The following C2 variants were observed in gnomAD, a reference collection of about 807,000 sequenced individuals.
C2 encodes complement C2.
Under a neutral mutation model 85.2 loss-of-function variants are expected in C2, and 64 were observed. That is an observed-to-expected ratio of 0.75 (90% CI 0.61 to 0.92). C2 has a LOEUF of 0.92. C2 is among the 40% of genes least tolerant of loss of function. The pLI is 0.00. For synonymous variants in C2, 311 were observed against 370.8 expected (o/e 0.84, Z 1.85); for missense variants, 820 against 971.6 (o/e 0.84, Z 2.07).
At chr6:31,918,403 A>G (rs865931202), upstream of C2, among the ~76,000 whole-genome samples, 23 of 152,142 alleles carry the variant, frequency 1.5e-4, 1 homozygote, top group Admixed American at 6.6e-4. Context: ...TCCGGGCAAC[A>G]TACTGAGACC....
intron 1 of C2, among the ~76,000 whole-genome samples, chr6:31,905,513 T>C (rs892714510): frequency 6.6e-6 from 1 of 151,758 alleles, no homozygotes; most frequent in African/African-American, 2.4e-5. Context: ...ATGCCTGTAA[T>C]CCCAGCACTT....
Position 31,935,549 on chromosome 6 carries a change from A to C in C2, c.850-374A>C, listed in dbSNP as rs1212018620. 1 of 313,586 alleles carries C rather than the reference A, an allele frequency of 3.2e-6. No homozygotes were observed. Among genetic ancestry groups the C allele is most frequent in the Non-Finnish European group, 6.3e-6 (1 of 159,366 alleles). The allele number at this position is 313,586 out of a possible 1,614,324, so 19.4% of individuals were successfully genotyped here. On this transcript the variant is annotated intron_variant, in intron 6 of 17. Coordinates refer to ENST00000299367, the MANE Select transcript of C2 (RefSeq NM_000063.6). The surrounding 1 kb of genome is among the most constrained non-coding windows in gnomAD (Gnocchi z 4.3). ...CAGTGGTGCGATCTCAGCTCACTGC[A>C]AACTTTGCCTCCTGGGTTCAAGTGA...
At chr6:31,900,211 G>T, upstream of C2, 1 of 1,614,158 alleles carries the variant, frequency 6.2e-7, no homozygotes, top group Non-Finnish European at 8.5e-7. This position sits in a 1 kb window ranked among gnomAD's most constrained non-coding sequence, Gnocchi z 9.7. Context: ...TGAACTGCTT[G>T]CCACAGCGAG....
At chr6:31,931,306 C>T (rs1379860875) in intron 3 of C2, among the ~76,000 whole-genome samples, 2 of 143,026 alleles carry the variant, frequency 1.4e-5, no homozygotes. Context: ...GGGTGTTTCT[C>T]ACAGAGGGGG....
chr6:31,934,824 A>G (rs2151755937), intron 6 of C2: 1 of 323,762 alleles, frequency 3.1e-6, no homozygotes, highest in African/African-American at 2.2e-5. Flanking sequence ...AGCCTGACCA[A>G]CATGATGAAA....
rs1562600429 is a variant in C2, at chr6:31,935,462, T to TTATTA, written c.850-460_850-459insATTAT. 3.9e-5 allele frequency: 6 copies of TTATTA among 153,958 alleles called. No individual in the cohort carries two copies. Among genetic ancestry groups the TTATTA allele is most frequent in the Non-Finnish European group, 7.2e-5 (5 of 69,654 alleles). 9.5% of individuals were successfully genotyped at this position (153,958 alleles called of 1,614,324 possible). ...TCCTTAGCTGCTGCTGTTCCTTATTTTTATTATTATTATTATTATTATTAT... is the reference window on the plus strand; with the variant it reads ...TCCTTAGCTGCTGCTGTTCCTTATTTTATTATTATTATTATTATTATTATTATTAT... On this transcript the variant is annotated intron_variant, in intron 6 of 17. Transcript: ENST00000299367. The surrounding 1 kb of genome is among the most constrained non-coding windows in gnomAD (Gnocchi z 4.3).
At chr6:31,926,015 A>G (rs1034147086), upstream of C2, among the ~76,000 whole-genome samples, 10 of 152,148 alleles carry the variant, frequency 6.6e-5, no homozygotes, top group African/African-American at 9.7e-5. Flanking sequence ...CCAGCCCATG[A>G]AAAGAAAAGG....
rs1771266671 is a variant in C2, at chr6:31,945,091, G to A, written c.2079+62G>A. ...AGGATCTCAGCCTTGTTGGGGGGATGAGGGAGGCCTTTGAGGGATCTAGGG... is the reference window on the plus strand; with the variant it reads ...AGGATCTCAGCCTTGTTGGGGGGATAAGGGAGGCCTTTGAGGGATCTAGGG... On this transcript the variant is annotated intron_variant, in intron 17 of 17. Transcript: ENST00000299367. This position sits in a 1 kb window ranked among gnomAD's most constrained non-coding sequence, Gnocchi z 5.3. 2 of 1,610,350 alleles carry A rather than the reference G, an allele frequency of 1.2e-6. No homozygotes were observed. The highest frequency in any genetic ancestry group is 1.7e-6 in the Non-Finnish European group (2 of 1,177,564).
At chr6:31,929,356 T>C (rs1769533683) in intron 3 of C2, among the ~76,000 whole-genome samples, 1 of 152,180 alleles carries the variant, frequency 6.6e-6, no homozygotes, top group African/African-American at 2.4e-5. Flanking sequence ...AGTTTTCCCA[T>C]CTGTAAGACA....
At chr6:31,912,846 G>GAAA (rs1178093181) in intron 1 of C2, among the ~76,000 whole-genome samples, 1 of 31,660 alleles carries the variant, frequency 3.2e-5, no homozygotes, top group Non-Finnish European at 5.2e-5. Context: ...TCTCAAAAAA[G>GAAA]AAAAAAAAAA....
intron 2 of C2, 101 bp from the exon 3 acceptor site, chr6:31,928,631 G>T: frequency 8.5e-7 from 1 of 1,181,894 alleles, no homozygotes; most frequent in South Asian, 1.3e-5. Flanking sequence ...ACAGCCAGTT[G>T]ACCATTCCCA....
At chr6:31,928,671 T>C in intron 2 of C2, 61 bp from the exon 3 acceptor site, 1 of 1,538,916 alleles carries the variant, frequency 6.5e-7, no homozygotes, top group Non-Finnish European at 9.0e-7. Flanking sequence ...ACCTGCTTAA[T>C]CCCCAGCCCA....
intron 8 of C2, among the ~76,000 whole-genome samples, chr6:31,938,737 G>A (rs192242418): frequency 2.0e-5 from 3 of 152,034 alleles, no homozygotes; most frequent in Admixed American, 6.6e-5. Flanking sequence ...TCGGCTCACC[G>A]CAACCTCCGC....
intron 1 of C2, among the ~76,000 whole-genome samples, chr6:31,909,890 T>G (rs1562553596): frequency 1.3e-5 from 2 of 150,796 alleles, no homozygotes; most frequent in African/African-American, 4.9e-5. Context: ...TTGTTTTTTG[T>G]TTTTTTTTGA....
chr6:31,925,906 G>A (rs1225803213), upstream of C2, among the ~76,000 whole-genome samples: 1 of 152,114 alleles, frequency 6.6e-6, no homozygotes, highest in Non-Finnish European at 1.5e-5. Flanking sequence ...CATCAACACT[G>A]TGTCAGACAC....
Position 31,943,779 on chromosome 6 carries a change from C to T in C2, c.1703C>T (p.Ala568Val). The change falls in exon 13 of 18, where the codon GCC (alanine) becomes GTC (valine). Residue 568 changes from alanine (A) to valine (V), a missense_variant. Physicochemically the swap from Ala to Val is moderately conservative, Grantham distance 64 (BLOSUM62 0). Coordinates refer to ENST00000299367, the MANE Select transcript of C2 (RefSeq NM_000063.6). The surrounding 1 kb of genome is among the most constrained non-coding windows in gnomAD (Gnocchi z 6.4). ...YGDDIALLKL[A>V]QKVKMSTHAR... ...GATGACATAGCTCTGCTGAAGCTGG[C>T]CCAGAAAGTAAAGATGTCCACCCAT... 6.2e-7 allele frequency: 1 copy of T among 1,613,068 alleles called. No homozygotes were observed. Among genetic ancestry groups the T allele is most frequent in the Non-Finnish European group, 8.5e-7 (1 of 1,180,012 alleles).
At chr6:31,898,151 C>T (rs909905977), upstream of C2, among the ~76,000 whole-genome samples, 1 of 152,214 alleles carries the variant, frequency 6.6e-6, no homozygotes, top group Non-Finnish European at 1.5e-5. Flanking sequence ...CACCTTTATT[C>T]TTGGCTGGTT....
chr6:31,933,652 G>C lies in C2; in HGVS notation c.485G>C (p.Arg162Pro). ...PNPGISLGAV[R>P]TGFRFGHGDK... ...CCAGGCATTTCACTGGGCGCAGTGCGGACAGGCTTCCGCTTTGGTCATGGG... is the reference window on the plus strand; with the variant it reads ...CCAGGCATTTCACTGGGCGCAGTGCCGACAGGCTTCCGCTTTGGTCATGGG... Residue 162 changes from arginine (R) to proline (P), a missense_variant, in exon 4 of 18, where the codon CGG becomes CCG. Arg to Pro is a moderately radical substitution (Grantham distance 103). Coordinates refer to ENST00000299367, the MANE Select transcript of C2 (RefSeq NM_000063.6). 6.2e-7 allele frequency: 1 copy of C among 1,613,120 alleles called. No homozygotes were observed. Among genetic ancestry groups the C allele is most frequent in the Non-Finnish European group, 8.5e-7 (1 of 1,180,030 alleles).
chr6:31,944,359 T>G lies in C2; in HGVS notation c.1902+133T>G. ...CTCCTCCCAAGCCTCACAAACCTGCTAGGTGTCCCTGGGTCTGCTTATTCT... is the reference window on the plus strand; with the variant it reads ...CTCCTCCCAAGCCTCACAAACCTGCGAGGTGTCCCTGGGTCTGCTTATTCT... On this transcript the variant is annotated intron_variant, in intron 15 of 17. Transcript: ENST00000299367. The surrounding 1 kb of genome is among the most constrained non-coding windows in gnomAD (Gnocchi z 5.1). The G allele has an allele frequency of 1.4e-6, 1 of 722,424 alleles. No individual in the cohort carries two copies. The highest frequency in any genetic ancestry group is 1.5e-5 in the South Asian group (1 of 67,178). 44.8% of individuals were successfully genotyped at this position (722,424 alleles called of 1,614,324 possible).
Sources: allele counts gnomAD v4.1 joint callset (sites outside exome capture counted in the v4.1 genomes callset), GRCh38; gene constraint gnomAD v4.1.1; non-coding constraint Gnocchi (gnomAD v3.1); transcripts MANE v1.5; gene names NCBI Gene and HGNC (gene_info 2026-07-23, HGNC 2026-07-21).